The following ZNF614 variants were observed in gnomAD, a reference collection of about 807,000 sequenced individuals.
The protein encoded by ZNF614 is zinc finger protein 614.
A neutral mutation model predicts 12.8 loss-of-function variants in ZNF614; 11 were observed. The observed-to-expected ratio is 0.86, with a 90% CI of 0.54 to 1.43. The LOEUF is 1.43. Among genes scored for constraint, ZNF614 ranks in the 40% most tolerant of loss-of-function variants. The pLI is 0.00. For missense variants in ZNF614, 664 were observed against 708.8 expected (o/e 0.94, Z 0.72); for synonymous variants, 237 against 237.5 (o/e 1.00, Z 0.02).
intron 1 of ZNF614, 88 bp from the exon 2 acceptor site, chr19:52,026,049 C>T (rs1373384295): frequency 1.3e-5 from 4 of 296,588 alleles, no homozygotes; most frequent in Non-Finnish European, 2.5e-5. Flanking sequence ...ATAAAAGACC[C>T]TAATATTTCT....
chr19:52,013,813 T>G lies in ZNF614; in HGVS notation c.*2027A>C, dbSNP rs577065275. 1 of 151,828 alleles carries G rather than the reference T, an allele frequency of 6.6e-6. No homozygotes were observed. Among genetic ancestry groups the G allele is most frequent in the East Asian group, 1.9e-4 (1 of 5,158 alleles). The allele number at this position is 151,828 out of a possible 1,614,324, so 9.4% of individuals were successfully genotyped here. A position where few individuals can be genotyped will look rare whatever the true frequency, so the allele number is the denominator to read the frequency against. On this transcript the variant is annotated 3_prime_UTR_variant, in exon 5 of 5. Coordinates refer to ENST00000270649, the MANE Select transcript of ZNF614 (RefSeq NM_025040.4). ...TAATACAACTTCTTAGAGTACAAACTAAAAAAGAAAAAAACATGTAAAAAT... is the reference window on the plus strand; with the variant it reads ...TAATACAACTTCTTAGAGTACAAACGAAAAAAGAAAAAAACATGTAAAAAT...
At chr19:52,019,477 G>T (rs1255432453) in intron 2 of ZNF614, among the ~76,000 whole-genome samples, 2 of 152,080 alleles carry the variant, frequency 1.3e-5, no homozygotes, top group African/African-American at 4.8e-5. Flanking sequence ...ATCCCAACAA[G>T]TTCAGAGCAG....
intron 2 of ZNF614, among the ~76,000 whole-genome samples, chr19:52,024,766 C>A (rs138484445): frequency 6.6e-6 from 1 of 152,308 alleles, no homozygotes; most frequent in Admixed American, 6.5e-5. Flanking sequence ...CCCAGGGACA[C>A]AACACACTGC....
chr19:52,026,712 G>GTCCCTGGGAATGGAATGTC (rs1568516287), intron 1 of ZNF614, among the ~76,000 whole-genome samples: 1 of 152,160 alleles, frequency 6.6e-6, no homozygotes, highest in Non-Finnish European at 1.5e-5. Context: ...TCTCCTCCTC[G>GTCCCTGGGAATGGAATGTC]TCCCTGGGAA....
chr19:52,020,550 G>A (rs917840413), intron 2 of ZNF614, among the ~76,000 whole-genome samples: 2 of 152,204 alleles, frequency 1.3e-5, no homozygotes, highest in African/African-American at 4.8e-5. Flanking sequence ...AAACTTTGAT[G>A]TCCAGAGATT....
chr19:52,023,358 G>A (rs1011245444), intron 2 of ZNF614, among the ~76,000 whole-genome samples: 3 of 151,784 alleles, frequency 2.0e-5, no homozygotes, highest in African/African-American at 4.8e-5. Flanking sequence ...TAGTAGAGAC[G>A]GGCTTTCACC....
chr19:52,024,470 T>C (rs1296008506), intron 2 of ZNF614, among the ~76,000 whole-genome samples: 1 of 152,176 alleles, frequency 6.6e-6, no homozygotes, highest in Non-Finnish European at 1.5e-5. Context: ...ACCCCACATA[T>C]CTGGTGTCAG....
chr19:52,027,418 T>G (rs1356674889), intron 1 of ZNF614, among the ~76,000 whole-genome samples: 4 of 152,208 alleles, frequency 2.6e-5, no homozygotes, highest in African/African-American at 9.6e-5. Flanking sequence ...TGAGGCAAAC[T>G]CTAAGCCTTT....
chr19:52,014,773 T>G lies in ZNF614; in HGVS notation c.*1067A>C, dbSNP rs958248893. 9 of 152,174 alleles carry G rather than the reference T, an allele frequency of 5.9e-5. No homozygotes were observed. Among genetic ancestry groups the G allele is most frequent in the Admixed American group, 5.9e-4 (9 of 15,270 alleles). 9.4% of individuals were successfully genotyped at this position (152,174 alleles called of 1,614,324 possible). A position where few individuals can be genotyped will look rare whatever the true frequency, so the allele number is the denominator to read the frequency against. The stretch of plus-strand genomic sequence containing the variant: ...CACAAAGTCTCCATCCTCTAGTTAC[T>G]TGATCTTCCTAGAGAACAGCCCCAT... On this transcript the variant is annotated 3_prime_UTR_variant, in exon 5 of 5. Transcript: ENST00000270649.
At chr19:52,026,604 G>C (rs2086975001) in intron 1 of ZNF614, among the ~76,000 whole-genome samples, 1 of 152,176 alleles carries the variant, frequency 6.6e-6, no homozygotes, top group Non-Finnish European at 1.5e-5. Context: ...GGAAAGACCT[G>C]ACCGTCCCCT....
chr19:52,025,673 T>A, intron 2 of ZNF614, 58 bp downstream of exon 2: 9 of 1,592,888 alleles, frequency 5.7e-6, no homozygotes, highest in Non-Finnish European at 7.7e-6. Flanking sequence ...TTCCTTAAGT[T>A]CAACTGACTT....
intron 4 of ZNF614, 90 bp downstream of exon 4, chr19:52,017,918 G>T: frequency 2.2e-6 from 2 of 921,872 alleles, no homozygotes; most frequent in South Asian, 1.5e-5. Flanking sequence ...AGCTGCTTAG[G>T]TACCCTCAGA....
Position 52,015,537 on chromosome 19 carries a change from C to T in ZNF614, c.*303G>A, listed in dbSNP as rs529118352. On this transcript the variant is annotated 3_prime_UTR_variant, in exon 5 of 5. Transcript: ENST00000270649. ...AATTTATCTCTGTATACTTTTCAGA[C>T]ATATGAGCAGAAATTATTGCTCAAA... The T allele has an allele frequency of 4.8e-5, 11 of 230,168 alleles. No homozygotes were observed. Among genetic ancestry groups the T allele is most frequent in the Non-Finnish European group, 9.4e-5 (11 of 117,496 alleles). 14.3% of individuals were successfully genotyped at this position (230,168 alleles called of 1,614,324 possible).
intron 2 of ZNF614, among the ~76,000 whole-genome samples, chr19:52,019,911 A>C (rs2086923275): frequency 6.6e-6 from 1 of 152,220 alleles, no homozygotes; most frequent in Admixed American, 6.5e-5. Flanking sequence ...CTGCATAGTC[A>C]AGAAAGTAGA....
rs77583656 is a variant in ZNF614, at chr19:52,027,915, A to G, written c.-217+327T>C. On this transcript the variant is annotated intron_variant, in intron 1 of 4. Coordinates refer to ENST00000270649, the MANE Select transcript of ZNF614 (RefSeq NM_025040.4). ...ACTGCACTCAACAGCAGTAAAATAAACATTTTTTTCAAGAGCACATGTTAT... is the reference window on the plus strand; with the variant it reads ...ACTGCACTCAACAGCAGTAAAATAAGCATTTTTTTCAAGAGCACATGTTAT... Among the ~76,000 whole-genome samples, 1,305 of 152,318 alleles carry G rather than the reference A, an allele frequency of 8.6e-3. 22 individuals are homozygous for G. Among genetic ancestry groups the G allele is most frequent in the African/African-American group, 0.03 (1,253 of 41,566 alleles).
Position 52,015,909 on chromosome 19 carries a change from T to C in ZNF614, c.1689A>G (p.Arg563=). 6.2e-7 allele frequency: 1 copy of C among 1,614,202 alleles called. No individual in the cohort carries two copies. The highest frequency in any genetic ancestry group is 1.3e-5 in the African/African-American group (1 of 75,070). ...CAACTTGACTGATTCTACCCATTTC[T>C]CTTGTGTGCATTTTCTTATGTTTGA... is the stretch of plus-strand genomic sequence containing the variant. ...NLVKHKKMHT[R]EMGRISQVEN... Residue 563 remains arginine (R), a synonymous_variant, in exon 5 of 5, where the codon AGA becomes AGG. Transcript: ENST00000270649.
chr19:52,018,296 T>C (rs2086913061), intron 3 of ZNF614, 72 bp downstream of exon 3: 3 of 1,608,664 alleles, frequency 1.9e-6, no homozygotes, highest in African/African-American at 1.3e-5. Context: ...TGTAAAGCTT[T>C]GATTAGGTGA....
chr19:52,025,616 C>T, intron 2 of ZNF614, 115 bp downstream of exon 2: 1 of 1,225,164 alleles, frequency 8.2e-7, no homozygotes, highest in Non-Finnish European at 1.2e-6. Flanking sequence ...CTCCCAAAAG[C>T]AATGTAAGTT....
chr19:52,018,359 T>C lies in ZNF614; in HGVS notation c.142+9A>G. The C allele has an allele frequency of 1.2e-6, 2 of 1,614,012 alleles. No homozygotes were observed. The highest frequency in any genetic ancestry group is 4.5e-5 in the East Asian group (2 of 44,866). ...GCACCTCTAGGTGACACAGGGAAACTATTCTTACCCAGTGATACTAGGTGG... is the reference window on the plus strand; with the variant it reads ...GCACCTCTAGGTGACACAGGGAAACCATTCTTACCCAGTGATACTAGGTGG... On this transcript the variant is annotated intron_variant, in intron 3 of 4. Coordinates refer to ENST00000270649, the MANE Select transcript of ZNF614 (RefSeq NM_025040.4).
Sources: allele counts gnomAD v4.1 joint callset (sites outside exome capture counted in the v4.1 genomes callset), GRCh38; gene constraint gnomAD v4.1.1; transcripts MANE v1.5; gene names NCBI Gene and HGNC (gene_info 2026-07-23, HGNC 2026-07-21).